The following DIP2C variants were observed in gnomAD, a reference collection of about 807,000 sequenced individuals.
DIP2C encodes disco-interacting protein 2 homolog C.
In DIP2C, 33 loss-of-function variants were observed where a neutral mutation model predicts 192.4. That is an observed-to-expected ratio of 0.17 (90% CI 0.13 to 0.23). The LOEUF is 0.23. Ranked by LOEUF, DIP2C falls within the 10% of genes least tolerant of loss-of-function variation. DIP2C has a pLI of 1.00. For synonymous variants in DIP2C, 979 were observed against 864.1 expected (o/e 1.13, Z -2.33); for missense variants, 1,537 against 2,110.1 (o/e 0.73, Z 5.32).
chr10:639,332 G>A (rs1195425450), intron 1 of DIP2C, among the ~76,000 whole-genome samples: 2 of 137,232 alleles, frequency 1.5e-5, no homozygotes, highest in African/African-American at 5.5e-5. Context: ...TCCACACGTG[G>A]GGATGTGTCA....
At chr10:434,795 T>C (rs184314181) in intron 4 of DIP2C, among the ~76,000 whole-genome samples, 12 of 152,350 alleles carry the variant, frequency 7.9e-5, no homozygotes, top group Non-Finnish European at 1.6e-4. Flanking sequence ...AATATTTCAC[T>C]CTACTTCTTG....
chr10:582,052 G>A (rs1177588486), intron 1 of DIP2C, among the ~76,000 whole-genome samples: 9 of 151,978 alleles, frequency 5.9e-5, no homozygotes. Flanking sequence ...TGAGAACACA[G>A]TTTACAATAG....
rs1365313824 is a variant in DIP2C, at chr10:276,123, A to G, written c.*1202T>C. 1 of 152,678 alleles carries G rather than the reference A, an allele frequency of 6.5e-6. No individual in the cohort carries two copies. Among genetic ancestry groups the G allele is most frequent in the East Asian group, 1.9e-4 (1 of 5,198 alleles). 9.5% of individuals were successfully genotyped at this position (152,678 alleles called of 1,614,324 possible). ...ACAAAAATGATGAAAAACATTGTGC[A>G]ATGAATTCTTGCAGCTAAGAAAACA... On this transcript the variant is annotated 3_prime_UTR_variant, in exon 37 of 37. Transcript: ENST00000280886.
chr10:649,544 A>T (rs961972974), intron 1 of DIP2C, among the ~76,000 whole-genome samples: 1 of 152,252 alleles, frequency 6.6e-6, no homozygotes, highest in African/African-American at 2.4e-5. Flanking sequence ...TAATTTCCTT[A>T]AAGCAAAACA....
At chr10:662,757 T>G (rs11253308) in intron 1 of DIP2C, 14 of 653,148 alleles carry the variant, frequency 2.1e-5, no homozygotes, top group Non-Finnish European at 3.7e-5. Context: ...ATCTAACTTA[T>G]CTTATTTCTC....
chr10:344,889 T>G lies in DIP2C; in HGVS notation c.3373A>C (p.Ile1125Leu), dbSNP rs746986260. 3.0e-5 allele frequency: 49 copies of G among 1,607,756 alleles called. No homozygotes were observed. Among genetic ancestry groups the G allele is most frequent in the Non-Finnish European group, 3.9e-5 (46 of 1,178,196 alleles). ...GTGTCTGGGTTGCAAGGTTTGCAGA[T>G]CTGGGCAGGCCGCTTCTTTGGCAAA... ...DDLPKKRPAQ[I>L]CKPCNPDTLA... The change falls in exon 28 of 37, where the codon ATC becomes CTC. Residue 1125 changes from isoleucine (I) to leucine (L), a missense_variant. Physicochemically the swap from Ile to Leu is conservative, Grantham distance 5. Transcript: ENST00000280886.
At chr10:558,414 C>T (rs1046269113) in intron 1 of DIP2C, among the ~76,000 whole-genome samples, 1 of 152,202 alleles carries the variant, frequency 6.6e-6, no homozygotes, top group African/African-American at 2.4e-5. Context: ...ACCTAATCAT[C>T]TCTATTCAGA....
chr10:347,444 C>T (rs1958542889), intron 26 of DIP2C, among the ~76,000 whole-genome samples: 1 of 142,218 alleles, frequency 7.0e-6, no homozygotes. Context: ...GTCACACGCA[C>T]CCAGACACAT....
Position 327,744 on chromosome 10 carries a change from T to A in DIP2C, c.3754-568A>T, listed in dbSNP as rs187711662. ...TATAGGAATATAAAACTAAAATTTT[T>A]GGATGACTTCATAGACAGTGCTCCA... On this transcript the variant is annotated intron_variant, in intron 30 of 36. Coordinates refer to ENST00000280886, the MANE Select transcript of DIP2C (RefSeq NM_014974.3). Among the ~76,000 whole-genome samples the A allele has an allele frequency of 2.0e-5, 3 of 152,318 alleles. No homozygotes were observed. The East Asian group carries it at 5.8e-4, about 29-fold the overall frequency.
At chr10:336,410 A>C (rs1957771759) in intron 29 of DIP2C, among the ~76,000 whole-genome samples, 1 of 152,222 alleles carries the variant, frequency 6.6e-6, no homozygotes, top group African/African-American at 2.4e-5. Flanking sequence ...ATATAAAAGC[A>C]CAGCACATAC....
chr10:439,008 A>G (rs1272909988), intron 4 of DIP2C, among the ~76,000 whole-genome samples: 1 of 152,038 alleles, frequency 6.6e-6, no homozygotes, highest in Non-Finnish European at 1.5e-5. Context: ...CTTTTGGTGG[A>G]GACAAAATGT....
At chr10:655,106 G>C (rs1278326265) in intron 1 of DIP2C, among the ~76,000 whole-genome samples, 1 of 152,134 alleles carries the variant, frequency 6.6e-6, no homozygotes, top group Non-Finnish European at 1.5e-5. Flanking sequence ...ATACACATGG[G>C]GGAATGGGGT....
At chr10:468,711 G>C (rs1970409602) in intron 3 of DIP2C, among the ~76,000 whole-genome samples, 1 of 152,112 alleles carries the variant, frequency 6.6e-6, no homozygotes, top group Non-Finnish European at 1.5e-5. Context: ...GGCGTGACCT[G>C]TGTCACACCA....
intron 1 of DIP2C, among the ~76,000 whole-genome samples, chr10:612,194 G>A (rs1037083856): frequency 8.6e-5 from 13 of 151,958 alleles, no homozygotes; most frequent in Admixed American, 2.6e-4. Context: ...TCAGGAGGCT[G>A]AGGCAGGAGA....
chr10:331,921 ACTT>A (rs1026999994), intron 29 of DIP2C, among the ~76,000 whole-genome samples: 3 of 151,210 alleles, frequency 2.0e-5, no homozygotes, highest in African/African-American at 2.5e-5. Flanking sequence ...CATATTAACC[ACTT>A]CTTTTCTTTT....
chr10:347,637 C>T (rs61836775), intron 26 of DIP2C, among the ~76,000 whole-genome samples: 45,745 of 52,212 alleles, frequency 0.88, 19,835 homozygotes, highest in Non-Finnish European at 0.9. Flanking sequence ...CCAGACACAT[C>T]GCGCATAGTT....
At chr10:427,254 G>A (rs953393415) in intron 4 of DIP2C, among the ~76,000 whole-genome samples, 6 of 152,194 alleles carry the variant, frequency 3.9e-5, no homozygotes, top group African/African-American at 1.2e-4. Flanking sequence ...CATCTTTAAA[G>A]TCCATCACTC....
At chr10:545,772 C>CA (rs1316399111) in intron 1 of DIP2C, among the ~76,000 whole-genome samples, 2 of 152,156 alleles carry the variant, frequency 1.3e-5, no homozygotes, top group South Asian at 2.1e-4. Flanking sequence ...AGGGAGGGTG[C>CA]AGTCCATCCT....
intron 26 of DIP2C, 29 bp from the exon 27 acceptor site, chr10:345,139 T>A: frequency 6.3e-7 from 1 of 1,591,432 alleles, no homozygotes; most frequent in South Asian, 1.1e-5. Context: ...AATGGAGCCA[T>A]GAACGTGGAC....
Sources: gnomAD v4.1 joint callset for allele counts (sites outside exome capture counted in the v4.1 genomes callset) on GRCh38, gnomAD v4.1.1 for gene constraint, MANE v1.5 for transcripts, NCBI Gene and HGNC (gene_info 2026-07-23, HGNC 2026-07-21) for gene names.